DIS3L2: variants seen among roughly 807,000 people sequenced by gnomAD.
DIS3L2 encodes DIS3 like 3'-5' exoribonuclease 2.
A neutral mutation model predicts 97.5 loss-of-function variants in DIS3L2; 34 were observed. That is an observed-to-expected ratio of 0.35 (90% CI 0.27 to 0.46). The LOEUF (loss-of-function observed/expected upper bound fraction) is 0.46, where lower values mean the gene tolerates loss of function less well. Ranked by LOEUF, DIS3L2 falls within the 20% of genes least tolerant of loss-of-function variation. The pLI is 1.00. For synonymous variants in DIS3L2, 435 were observed against 445.2 expected, an observed-to-expected ratio of 0.98 and a Z score of 0.29; for missense variants, 1,038 against 1,146.0, an observed-to-expected ratio of 0.91 and a Z score of 1.36.
intron 13 of DIS3L2, among the ~76,000 whole-genome samples, chr2:232,270,866 CTCTCTCTCTCTCTCTCT>C (rs1693976804): frequency 3.3e-5 from 1 of 30,084 alleles, no homozygotes; most frequent in African/African-American, 1.6e-4. Flanking sequence ...TCTCGTCTCT[CTCTCTCTCTCTCTCTCT>C]CTCTCTCTCT....
In DIS3L2 at chr2:232,329,606, G is replaced by A. The variant is rs1575023003; in HGVS notation, c.1740-207G>A. On this transcript the variant is annotated intron_variant, in intron 14 of 20. Coordinates refer to ENST00000325385, the MANE Select transcript of DIS3L2 (RefSeq NM_152383.5). ...CTAACCAGTCAGAGGAGAAGGCGGT[G>A]TAGACCAACTGGTGCAGGGAGACCA... 12 of 488,672 alleles carry A rather than the reference G, an allele frequency of 2.5e-5. No homozygotes were observed. The East Asian group carries it at 4.1e-4, about 17-fold the overall frequency. 30.3% of individuals were successfully genotyped at this position (488,672 alleles called of 1,614,324 possible).
At chr2:232,159,588 T>A (rs1348279770) in intron 8 of DIS3L2, among the ~76,000 whole-genome samples, 1 of 152,230 alleles carries the variant, frequency 6.6e-6, no homozygotes, top group Non-Finnish European at 1.5e-5. Context: ...AACGTGCAAT[T>A]CTTCCTTTCC....
intron 9 of DIS3L2, among the ~76,000 whole-genome samples, chr2:232,184,476 C>T (rs944559945): frequency 6.6e-6 from 1 of 152,094 alleles, no homozygotes; most frequent in African/African-American, 2.4e-5. Context: ...CACAGCAAAA[C>T]CCCATCTGTA....
chr2:232,263,463 T>A, intron 13 of DIS3L2, 23 bp downstream of exon 13: 1 of 1,612,684 alleles, frequency 6.2e-7, no homozygotes, highest in Non-Finnish European at 8.5e-7. Flanking sequence ...TTTTTTAGTG[T>A]AGCCAACAGA....
chr2:232,301,483 T>C (rs1694854044), intron 14 of DIS3L2, among the ~76,000 whole-genome samples: 1 of 152,214 alleles, frequency 6.6e-6, no homozygotes, highest in African/African-American at 2.4e-5. Context: ...AACCTGGGCC[T>C]TCCTCAAGAC....
chr2:232,202,239 A>G (rs2106208362), intron 9 of DIS3L2, among the ~76,000 whole-genome samples: 1 of 152,284 alleles, frequency 6.6e-6, no homozygotes. Flanking sequence ...CTCTACTAAA[A>G]ATGCAAAAAT....
chr2:232,165,638 C>G (rs1001121804), intron 9 of DIS3L2, among the ~76,000 whole-genome samples: 9 of 152,308 alleles, frequency 5.9e-5, no homozygotes, highest in African/African-American at 2.2e-4. Context: ...GATCTTCTGC[C>G]TTAGCCTCCC....
At chr2:232,217,503 G>A (rs953783122) in intron 10 of DIS3L2, among the ~76,000 whole-genome samples, 14 of 152,184 alleles carry the variant, frequency 9.2e-5, no homozygotes, top group African/African-American at 3.4e-4. Flanking sequence ...TGAGCACCTG[G>A]TCCCACAAGA....
At chr2:232,213,849 G>A (rs561960209) in intron 10 of DIS3L2, among the ~76,000 whole-genome samples, 1 of 152,144 alleles carries the variant, frequency 6.6e-6, no homozygotes, top group East Asian at 1.9e-4. Context: ...AGACACTCCA[G>A]TGATCAATTC....
chr2:231,982,464 T>G (rs1407551359), intron 1 of DIS3L2, among the ~76,000 whole-genome samples: 1 of 152,222 alleles, frequency 6.6e-6, no homozygotes, highest in Non-Finnish European at 1.5e-5. Flanking sequence ...AGTTAAATCT[T>G]TCAATCTTTT....
chr2:232,329,785 T>TCCCGGGGGGGGCCCCCC, intron 14 of DIS3L2, 28 bp from the exon 15 acceptor site: 39 of 967,094 alleles, frequency 4.0e-5, no homozygotes, highest in East Asian at 1.9e-4. Context: ...ACCCCAGCGG[T>TCCCGGGGGGGGCCCCCC]CCCTCCCATC....
At chr2:231,973,896 A>G (rs2106167736) in intron 1 of DIS3L2, among the ~76,000 whole-genome samples, 1 of 152,252 alleles carries the variant, frequency 6.6e-6, no homozygotes, top group East Asian at 1.9e-4. Context: ...AACAACCACA[A>G]TAATAATAAT....
At chr2:232,237,710 GAGAC>G (rs1692970995) in intron 10 of DIS3L2, among the ~76,000 whole-genome samples, 2 of 150,700 alleles carry the variant, frequency 1.3e-5, no homozygotes, top group South Asian at 4.2e-4. Flanking sequence ...GGAGTTGGAG[GAGAC>G]AGACAGGTGG....
intron 1 of DIS3L2, among the ~76,000 whole-genome samples, chr2:231,984,751 CT>C (rs1399812827): frequency 6.6e-6 from 1 of 152,046 alleles, no homozygotes; most frequent in Admixed American, 6.5e-5. Flanking sequence ...TCCTGAGTAA[CT>C]GGGATTACAT....
At chr2:232,336,123 G>C (rs1356929455) in intron 20 of DIS3L2, 8 of 1,542,068 alleles carry the variant, frequency 5.2e-6, no homozygotes, top group Non-Finnish European at 7.0e-6. Context: ...CGCTAATGCA[G>C]GGGTGCTGGC....
intron 9 of DIS3L2, among the ~76,000 whole-genome samples, chr2:232,196,216 C>T (rs903071245): frequency 1.3e-5 from 2 of 152,202 alleles, no homozygotes; most frequent in African/African-American, 2.4e-5. Context: ...GATCCTCCCT[C>T]CTTGGCCTCC....
rs78476645 is a variant in DIS3L2 at position 231,968,540 on chromosome 2, C to T, written c.-94+6775C>T. ...TCCCTGTTGTTAAGTGTATTAGTAG[C>T]TGATTCCTCTTTATTGCTGAGTAAT... is the stretch of plus-strand genomic sequence containing the variant. On this transcript the variant is annotated intron_variant, in intron 1 of 20. Coordinates refer to ENST00000325385, the MANE Select transcript of DIS3L2 (RefSeq NM_152383.5). Among the ~76,000 whole-genome samples, 727 of 152,318 alleles carry T rather than the reference C, an allele frequency of 4.8e-3. 2 individuals carry two copies. The highest frequency in any genetic ancestry group is 8.3e-3 in the Non-Finnish European group (565 of 68,038).
Position 232,318,421 on chromosome 2 carries a change from T to C in DIS3L2, c.1740-11392T>C, listed in dbSNP as rs115210556. Among the ~76,000 whole-genome samples the C allele has an allele frequency of 7.2e-5, 11 of 152,364 alleles. 1 individual carries two copies. Among genetic ancestry groups the C allele is most frequent in the Middle Eastern group, 6.8e-3 (2 of 294 alleles). ...TCGTTTGCTTGTCCAGCAAACATTATTGGACGCCTATTAGTGCCAGGTACT... is the reference window on the plus strand; with the variant it reads ...TCGTTTGCTTGTCCAGCAAACATTACTGGACGCCTATTAGTGCCAGGTACT... On this transcript the variant is annotated intron_variant, in intron 14 of 20. Transcript: ENST00000325385.
intron 8 of DIS3L2, 25 bp downstream of exon 8, chr2:232,136,744 C>A (rs765716069): frequency 6.2e-7 from 1 of 1,609,868 alleles, no homozygotes; most frequent in South Asian, 1.1e-5. Flanking sequence ...GTAGGAAAAA[C>A]CACAGGTCAC....
Sources: allele counts gnomAD v4.1 joint callset (sites outside exome capture counted in the v4.1 genomes callset), GRCh38; gene constraint gnomAD v4.1.1; transcripts MANE v1.5; gene names NCBI Gene and HGNC (gene_info 2026-07-23, HGNC 2026-07-21).